The following PITPNC1 variants were observed in gnomAD, a reference collection of about 807,000 sequenced individuals.
PITPNC1 encodes phosphatidylinositol transfer protein cytoplasmic 1.
PITPNC1 carries 18 observed loss-of-function variants against 44.7 expected under a neutral mutation model. The observed-to-expected ratio is 0.40, with a 90% CI of 0.28 to 0.60. The LOEUF is 0.60. PITPNC1 is among the 20% of genes least tolerant of loss of function. The pLI is 0.39. For synonymous variants in PITPNC1, 141 were observed against 149.6 expected, an observed-to-expected ratio of 0.94 and a Z score of 0.42; for missense variants, 290 against 418.4, an observed-to-expected ratio of 0.69 and a Z score of 2.68.
chr17:67,575,541 C>T (rs2041128624), intron 4 of PITPNC1, among the ~76,000 whole-genome samples: 1 of 152,112 alleles, frequency 6.6e-6, no homozygotes, highest in Non-Finnish European at 1.5e-5. Flanking sequence ...GGAGAATTAT[C>T]GATGGCACGT....
intron 2 of PITPNC1, among the ~76,000 whole-genome samples, chr17:67,546,928 C>A (rs1038663636): frequency 6.6e-6 from 1 of 152,210 alleles, no homozygotes; most frequent in African/African-American, 2.4e-5. Context: ...TGAATCAGAG[C>A]AGCTGGAGAA....
At chr17:67,405,013 G>A (rs1376608155) in intron 1 of PITPNC1, among the ~76,000 whole-genome samples, 5 of 152,116 alleles carry the variant, frequency 3.3e-5, no homozygotes, top group Non-Finnish European at 7.3e-5. Flanking sequence ...TTGGGAGGCC[G>A]AGGCAGGCAG....
chr17:67,683,977 CA>C (rs79101364), intron 8 of PITPNC1, among the ~76,000 whole-genome samples: 238 of 61,596 alleles, frequency 3.9e-3, no homozygotes, highest in Middle Eastern at 0.011. Flanking sequence ...GACTCTGTCT[CA>C]AAAAAAAAAA....
At chr17:67,605,774 G>T (rs2041600096) in intron 5 of PITPNC1, among the ~76,000 whole-genome samples, 2 of 152,314 alleles carry the variant, frequency 1.3e-5, no homozygotes, top group South Asian at 4.1e-4. Context: ...AGGACATCAA[G>T]TGAAGCCAGT....
chr17:67,425,203 G>GCGCA lies in PITPNC1; in HGVS notation c.48+47002_48+47003insGCAC, dbSNP rs1370190915. ...CCATGTTGTGCGCGCGCACGCACACGCACACACACACACACACACACACAC... is the reference window on the plus strand; with the variant it reads ...CCATGTTGTGCGCGCGCACGCACACGCGCACACACACACACACACACACACACAC... On this transcript the variant is annotated intron_variant, in intron 1 of 8. Coordinates refer to ENST00000581322, the MANE Select transcript of PITPNC1 (RefSeq NM_012417.4). Among the ~76,000 whole-genome samples the GCGCA allele has an allele frequency of 2.4e-3, 241 of 98,810 alleles. 14 individuals carry two copies. The highest frequency in any genetic ancestry group is 6.9e-3 in the East Asian group (19 of 2,756). The allele number at this position is 98,810 out of a possible 152,430, so 64.8% of individuals were successfully genotyped here. A position where few individuals can be genotyped will look rare whatever the true frequency, so the allele number is the denominator to read the frequency against.
intron 1 of PITPNC1, among the ~76,000 whole-genome samples, chr17:67,449,704 CA>C (rs2039149293): frequency 6.6e-6 from 1 of 152,078 alleles, no homozygotes; most frequent in African/African-American, 2.4e-5. Context: ...AGAAAAAGGA[CA>C]AAAAGTTGTC....
intron 1 of PITPNC1, among the ~76,000 whole-genome samples, chr17:67,467,617 G>A (rs1407062350): frequency 6.6e-6 from 1 of 152,122 alleles, no homozygotes; most frequent in Non-Finnish European, 1.5e-5. Flanking sequence ...AATGAGATCT[G>A]CTTTGCCTCT....
intron 5 of PITPNC1, among the ~76,000 whole-genome samples, chr17:67,578,923 A>G (rs2041188268): frequency 6.6e-6 from 1 of 152,262 alleles, no homozygotes; most frequent in Admixed American, 6.5e-5. Context: ...CAGAGGTTAC[A>G]GTGAGCCGAG....
chr17:67,500,473 C>T (rs2040011136), intron 1 of PITPNC1, among the ~76,000 whole-genome samples: 2 of 152,002 alleles, frequency 1.3e-5, no homozygotes, highest in African/African-American at 4.8e-5. Flanking sequence ...GAGTCATTGC[C>T]AGGGGCCTCG....
At chr17:67,452,819 T>C (rs2039202241) in intron 1 of PITPNC1, among the ~76,000 whole-genome samples, 1 of 152,228 alleles carries the variant, frequency 6.6e-6, no homozygotes, top group Non-Finnish European at 1.5e-5. Context: ...GTTTAACTTA[T>C]AAAGAAATTG....
intron 1 of PITPNC1, among the ~76,000 whole-genome samples, chr17:67,400,686 C>T (rs371088250): frequency 3.1e-4 from 47 of 152,066 alleles, no homozygotes; most frequent in African/African-American, 1.0e-3. Context: ...CTAAAAATAA[C>T]CCTTCTTTTC....
chr17:67,590,638 C>T (rs2041377277), intron 5 of PITPNC1, among the ~76,000 whole-genome samples: 1 of 152,084 alleles, frequency 6.6e-6, no homozygotes, highest in Non-Finnish European at 1.5e-5. Flanking sequence ...CTGCAAGTGA[C>T]TTACTAATGG....
At chr17:67,658,338 G>C (rs1055360837) in intron 6 of PITPNC1, among the ~76,000 whole-genome samples, 2 of 152,108 alleles carry the variant, frequency 1.3e-5, no homozygotes, top group African/African-American at 2.4e-5. Context: ...TTCCTAATTG[G>C]TTATCTACAC....
intron 1 of PITPNC1, among the ~76,000 whole-genome samples, chr17:67,429,966 G>A (rs2038831990): frequency 6.6e-6 from 1 of 152,134 alleles, no homozygotes; most frequent in Non-Finnish European, 1.5e-5. Flanking sequence ...CTAGCATTTA[G>A]GAATCATTTA....
chr17:67,413,063 C>T (rs2038528004), intron 1 of PITPNC1, among the ~76,000 whole-genome samples: 1 of 152,172 alleles, frequency 6.6e-6, no homozygotes, highest in Non-Finnish European at 1.5e-5. Context: ...AAAGAGATTA[C>T]ATTAGGAATT....
At chr17:67,403,364 T>A (rs2038351247) in intron 1 of PITPNC1, among the ~76,000 whole-genome samples, 1 of 152,252 alleles carries the variant, frequency 6.6e-6, no homozygotes, top group Admixed American at 6.5e-5. Flanking sequence ...TTTTGATTTT[T>A]AAAATAAGGT....
At chr17:67,445,380 A>G (rs73996719) in intron 1 of PITPNC1, among the ~76,000 whole-genome samples, 2,898 of 152,114 alleles carry the variant, frequency 0.019, 126 homozygotes, top group African/African-American at 0.066. Context: ...TTCTTCCTCA[A>G]TTCAGCATGT....
In PITPNC1 at chr17:67,696,474, T is replaced by G. The variant is rs2144493736; in HGVS notation, c.*3586T>G. On this transcript the variant is annotated 3_prime_UTR_variant, in exon 9 of 9. Transcript: ENST00000581322. ...ACTCTACATATAATGTGTAATCAGA[T>G]AATCCAATAGAGAGGAATTGTCCAA... 1 of 152,358 alleles carries G rather than the reference T, an allele frequency of 6.6e-6. No individual in the cohort carries two copies. Among genetic ancestry groups the G allele is most frequent in the East Asian group, 1.9e-4 (1 of 5,192 alleles). The allele number at this position is 152,358 out of a possible 1,614,324, so 9.4% of individuals were successfully genotyped here. A position where few individuals can be genotyped will look rare whatever the true frequency, so the allele number is the denominator to read the frequency against.
intron 1 of PITPNC1, among the ~76,000 whole-genome samples, chr17:67,467,054 ATTTTT>A (rs10623552): frequency 1.0e-5 from 1 of 95,340 alleles, no homozygotes; most frequent in Non-Finnish European, 2.0e-5. Context: ...CAGTTAGGAG[ATTTTT>A]TTTTTTTTTT....
Sources: allele counts gnomAD v4.1 joint callset (sites outside exome capture counted in the v4.1 genomes callset), GRCh38; gene constraint gnomAD v4.1.1; transcripts MANE v1.5; gene names NCBI Gene and HGNC (gene_info 2026-07-23, HGNC 2026-07-21).